Variants in GRAMD2B observed in about 807,000 individuals in gnomAD.
The protein encoded by GRAMD2B is GRAM domain containing 2B.
A neutral mutation model predicts 59.2 loss-of-function variants in GRAMD2B; 41 were observed. The ratio of observed to expected loss-of-function variants is 0.69; its 90% CI spans 0.54 to 0.90. The LOEUF is 0.90. Among genes scored for constraint, GRAMD2B ranks in the 40% least tolerant of loss-of-function variants. The pLI, the probability that GRAMD2B is intolerant of heterozygous loss-of-function variation, is 0.00. For missense variants in GRAMD2B, 424 were observed against 500.5 expected (o/e 0.85, Z 1.46); for synonymous variants, 161 against 182.7 (o/e 0.88, Z 0.96).
chr5:126,437,820 T>G (rs1762659307), intron 1 of GRAMD2B, among the ~76,000 whole-genome samples: 1 of 152,170 alleles, frequency 6.6e-6, no homozygotes. Context: ...AGAGAACCTT[T>G]CCAAATAAAT....
chr5:126,384,443 A>C (rs1028200274), intron 1 of GRAMD2B, among the ~76,000 whole-genome samples: 2 of 152,242 alleles, frequency 1.3e-5, no homozygotes, highest in Non-Finnish European at 2.9e-5. Flanking sequence ...AAAAACTAAC[A>C]GCTGCCAGTA....
At chr5:126,418,560 G>T (rs1759452367), upstream of GRAMD2B, among the ~76,000 whole-genome samples, 1 of 152,098 alleles carries the variant, frequency 6.6e-6, no homozygotes, top group Non-Finnish European at 1.5e-5. Context: ...AGTGTCACTT[G>T]GCTTTGGAAA....
chr5:126,393,294 A>T (rs1757009891), intron 1 of GRAMD2B, among the ~76,000 whole-genome samples: 1 of 152,194 alleles, frequency 6.6e-6, no homozygotes, highest in Non-Finnish European at 1.5e-5. Context: ...CAGGTCTTCC[A>T]AGTGTAAAAT....
At chr5:126,389,143 A>T (rs1006368175) in intron 1 of GRAMD2B, among the ~76,000 whole-genome samples, 7 of 152,218 alleles carry the variant, frequency 4.6e-5, no homozygotes, top group African/African-American at 1.4e-4. Context: ...TCGTCTACAT[A>T]ACTTATCATG....
intron 1 of GRAMD2B, among the ~76,000 whole-genome samples, chr5:126,408,140 C>A (rs911624189): frequency 5.3e-5 from 8 of 151,866 alleles, no homozygotes; most frequent in African/African-American, 1.7e-4. Flanking sequence ...TCCACTGTTG[C>A]CATCTTTATG....
chr5:126,466,866 C>A (rs1338039936), intron 2 of GRAMD2B, among the ~76,000 whole-genome samples: 20 of 152,214 alleles, frequency 1.3e-4, no homozygotes, highest in Admixed American at 5.2e-4. Flanking sequence ...CTTCCCCAGG[C>A]TTCCGTAATA....
At chr5:126,433,514 A>T (rs1761921102) in intron 1 of GRAMD2B, 1 of 152,248 alleles carries the variant, frequency 6.6e-6, no homozygotes, top group African/African-American at 2.4e-5. Flanking sequence ...CCATTCTACA[A>T]TTCTAACATT....
chr5:126,399,293 T>C (rs1757624618), intron 1 of GRAMD2B, among the ~76,000 whole-genome samples: 1 of 152,308 alleles, frequency 6.6e-6, no homozygotes, highest in South Asian at 2.1e-4. Context: ...ATATTTTGTA[T>C]ATATGATATG....
intron 1 of GRAMD2B, among the ~76,000 whole-genome samples, chr5:126,446,619 T>G (rs1174520675): frequency 1.2e-5 from 1 of 81,182 alleles, no homozygotes; most frequent in Non-Finnish European, 2.4e-5. Context: ...CTTTTAAAAA[T>G]TAAAAAAAAA....
rs1389207722 is a variant in GRAMD2B, at chr5:126,472,147, T to A, written c.316-91T>A. 7 of 952,662 alleles carry A rather than the reference T, an allele frequency of 7.3e-6. No homozygotes were observed. In the African/African-American group the frequency reaches 9.6e-5, roughly 13 times the overall value. The allele number at this position is 952,662 out of a possible 1,614,324, so 59.0% of individuals were successfully genotyped here. On this transcript the variant is annotated intron_variant, in intron 3 of 13. Coordinates refer to ENST00000285689, the MANE Select transcript of GRAMD2B (RefSeq NM_023927.4). ...GAGAAGGAATTCCTAAAGATACTATTAAGGGAGGGAAAATTTGTTGTTGAA... is the reference window on the plus strand; with the variant it reads ...GAGAAGGAATTCCTAAAGATACTATAAAGGGAGGGAAAATTTGTTGTTGAA...
intron 8 of GRAMD2B, among the ~76,000 whole-genome samples, chr5:126,481,577 T>G (rs1362790201): frequency 6.6e-6 from 1 of 152,174 alleles, no homozygotes; most frequent in Non-Finnish European, 1.5e-5. Flanking sequence ...TTATTCATCA[T>G]AGCCAAAAGG....
In GRAMD2B at chr5:126,453,156, G is replaced by C. The variant is rs190030459; in HGVS notation, c.84-12270G>C. Reference sequence around the variant, plus strand: ...TCAAGACCAGCCTGGCCAACATGGTGAAATTCTGTCTCTATTAAAAATACA... The same window carrying C: ...TCAAGACCAGCCTGGCCAACATGGTCAAATTCTGTCTCTATTAAAAATACA... On this transcript the variant is annotated intron_variant, in intron 1 of 13. Coordinates refer to ENST00000285689, the MANE Select transcript of GRAMD2B (RefSeq NM_023927.4). Among the ~76,000 whole-genome samples the C allele has an allele frequency of 2.1e-3, 317 of 152,210 alleles. 2 individuals carry two copies. Among genetic ancestry groups the C allele is most frequent in the Non-Finnish European group, 3.6e-3 (247 of 68,006 alleles).
In GRAMD2B at chr5:126,484,549, G is replaced by A. The variant is rs181926530; in HGVS notation, c.970+25G>A. ...GGTAAGGAATGGATGTCTCAGGGGG[G>A]TGGGTTTAGAAGGATTGGAGATGTC... On this transcript the variant is annotated intron_variant, in intron 10 of 13. Transcript: ENST00000285689. The A allele has an allele frequency of 1.6e-5, 26 of 1,594,170 alleles. No homozygotes were observed. The East Asian group carries it at 5.6e-4, about 34-fold the overall frequency.
upstream of GRAMD2B, among the ~76,000 whole-genome samples, chr5:126,418,762 T>G (rs537422838): frequency 1.3e-5 from 2 of 152,328 alleles, no homozygotes; most frequent in South Asian, 4.1e-4. Context: ...CAACTTTCAT[T>G]CTTACAATTT....
intron 1 of GRAMD2B, among the ~76,000 whole-genome samples, chr5:126,414,974 A>T (rs1371563892): frequency 6.6e-6 from 1 of 152,228 alleles, no homozygotes; most frequent in African/African-American, 2.4e-5. Flanking sequence ...ATATAAAGAC[A>T]GAAAGAAGAG....
intron 1 of GRAMD2B, among the ~76,000 whole-genome samples, chr5:126,372,467 C>A (rs1754847569): frequency 6.6e-6 from 1 of 151,958 alleles, no homozygotes; most frequent in South Asian, 2.1e-4. Flanking sequence ...TAAATTATAG[C>A]TTTCAAAAAT....
intron 1 of GRAMD2B, among the ~76,000 whole-genome samples, chr5:126,430,444 A>G (rs942667268): frequency 4.6e-5 from 7 of 152,168 alleles, no homozygotes; most frequent in Admixed American, 4.6e-4. Context: ...GTGATGCACC[A>G]TCACCATAAC....
chr5:126,435,565 C>T (rs1762277552), intron 1 of GRAMD2B, among the ~76,000 whole-genome samples: 1 of 152,178 alleles, frequency 6.6e-6, no homozygotes. Context: ...GGCTCTACTA[C>T]CGACTCTTTG....
chr5:126,469,845 G>A lies in GRAMD2B; in HGVS notation c.315+57G>A, dbSNP rs115758907. 706 of 1,266,512 alleles carry A rather than the reference G, an allele frequency of 5.6e-4. 3 individuals are homozygous for A. In the African/African-American group the frequency reaches 8.1e-3, roughly 15 times the overall value. 78.5% of individuals were successfully genotyped at this position (1,266,512 alleles called of 1,614,324 possible). On this transcript the variant is annotated intron_variant, in intron 3 of 13. Transcript: ENST00000285689. ...GAGGGTGACAGGGCTACTGAAGCCAGTGACAAGAAGGAACCCAAGTATGCA... is the reference window on the plus strand; with the variant it reads ...GAGGGTGACAGGGCTACTGAAGCCAATGACAAGAAGGAACCCAAGTATGCA...
Sources: gnomAD v4.1 joint callset for allele counts (sites outside exome capture counted in the v4.1 genomes callset) on GRCh38, gnomAD v4.1.1 for gene constraint, MANE v1.5 for transcripts, NCBI Gene and HGNC (gene_info 2026-07-23, HGNC 2026-07-21) for gene names.